TOP1: variants seen among roughly 807,000 people sequenced by gnomAD.
TOP1 encodes the protein DNA topoisomerase I.
In TOP1, 10 loss-of-function variants were observed where a neutral mutation model predicts 111.1. The ratio of observed to expected loss-of-function variants is 0.09; its 90% confidence interval spans 0.06 to 0.15. TOP1 has a LOEUF of 0.15. Among genes scored for constraint, TOP1 ranks in the 10% least tolerant of loss-of-function variants. The pLI is 1.00. For missense variants in TOP1, 474 were observed against 926.7 expected, an observed-to-expected ratio of 0.51 and a Z score of 6.34; for synonymous variants, 271 against 302.9, an observed-to-expected ratio of 0.89 and a Z score of 1.10.
At position 41,064,287 on chromosome 20, in the gene TOP1, C is replaced by A. The variant is rs529604876; in HGVS notation, c.155+2797C>A. ...TTGGTCTATGTGTCTGTTTTTGTACCATTACCATGCTGTTAGTGTTTCTGT... is the reference window on the plus strand; with the variant it reads ...TTGGTCTATGTGTCTGTTTTTGTACAATTACCATGCTGTTAGTGTTTCTGT... On this transcript the variant is annotated intron_variant, in intron 3 of 20. Transcript: ENST00000361337. 4.7e-4 allele frequency among the ~76,000 whole-genome samples: 72 copies of A among 152,114 alleles called. 1 individual carries two copies. Among genetic ancestry groups the A allele is most frequent in the Middle Eastern group, 3.4e-3 (1 of 294 alleles).
At chr20:41,086,881 G>A (rs1210991188) in intron 8 of TOP1, among the ~76,000 whole-genome samples, 1 of 152,180 alleles carries the variant, frequency 6.6e-6, no homozygotes, top group Non-Finnish European at 1.5e-5. Context: ...AGTTTTTGGT[G>A]TTGAAAATAT....
rs6072278 is a variant in TOP1, at chr20:41,123,787, C to T, written c.*490C>T. 2.6e-5 allele frequency: 6 copies of T among 232,620 alleles called. No homozygotes were observed. In the Admixed American group the frequency reaches 2.8e-4, roughly 11 times the overall value. 14.4% of individuals were successfully genotyped at this position (232,620 alleles called of 1,614,324 possible). A position where few individuals can be genotyped will look rare whatever the true frequency, so the allele number is the denominator to read the frequency against. ...AAGTAGAACAAAAAACCCAGCGCAC[C>T]TGTTAGAGTCGTCACTCTCTATTGT... is the stretch of plus-strand genomic sequence containing the variant. On this transcript the variant is annotated 3_prime_UTR_variant, in exon 21 of 21. Coordinates refer to ENST00000361337, the MANE Select transcript of TOP1 (RefSeq NM_003286.4). The surrounding 1 kb of genome is among the most constrained non-coding windows in gnomAD (Gnocchi z 5.8).
At chr20:41,090,658 A>G (rs1002623649) in intron 8 of TOP1, among the ~76,000 whole-genome samples, 4 of 151,580 alleles carry the variant, frequency 2.6e-5, no homozygotes, top group African/African-American at 4.9e-5. Flanking sequence ...GTATGCCCCC[A>G]TGCCTGGATA....
intron 2 of TOP1, among the ~76,000 whole-genome samples, chr20:41,036,173 A>G (rs746111357): frequency 2.0e-5 from 3 of 152,108 alleles, no homozygotes; most frequent in South Asian, 2.1e-4. Context: ...TTTTGATAAC[A>G]TGCTGCCTTG....
In TOP1 at chr20:41,116,898, CACT is replaced by C. The variant is rs2065870897; in HGVS notation, c.1822+507_1822+509del. Among the ~76,000 whole-genome samples the C allele has an allele frequency of 3.3e-5, 5 of 152,036 alleles. No individual in the cohort carries two copies. The highest frequency in any genetic ancestry group is 1.3e-4 in the Admixed American group (2 of 15,256). On this transcript the variant is annotated intron_variant, in intron 17 of 20. Coordinates refer to ENST00000361337, the MANE Select transcript of TOP1 (RefSeq NM_003286.4). The surrounding 1 kb of genome is among the most constrained non-coding windows in gnomAD (Gnocchi z 5.6). ...TGGAGCCCAGTCACTATTGAATTTCCACTGCCCTCTGTAAATACATCAGATGGC... is the reference window on the plus strand; with the variant it reads ...TGGAGCCCAGTCACTATTGAATTTCCGCCCTCTGTAAATACATCAGATGGC...
chr20:41,029,326 G>T lies in TOP1; in HGVS notation c.34-105G>T. ...CCTCTGTGGCCACCCCCGGGTCCCC[G>T]TCCTCCCCGGGGGCGCAGGGTGAGC... On this transcript the variant is annotated intron_variant, in intron 1 of 20. Transcript: ENST00000361337. The surrounding 1 kb of genome is among the most constrained non-coding windows in gnomAD (Gnocchi z 6.1). 9.2e-7 allele frequency: 1 copy of T among 1,087,328 alleles called. No homozygotes were observed. 67.4% of individuals were successfully genotyped at this position (1,087,328 alleles called of 1,614,324 possible).
rs1255373522 is a variant in TOP1, at chr20:41,029,522, G to T, written c.58+67G>T. 1.5e-6 allele frequency: 2 copies of T among 1,320,250 alleles called. No individual in the cohort carries two copies. Among genetic ancestry groups the T allele is most frequent in the African/African-American group, 2.9e-5 (2 of 67,804 alleles). 81.8% of individuals were successfully genotyped at this position (1,320,250 alleles called of 1,614,324 possible). A position where few individuals can be genotyped will look rare whatever the true frequency, so the allele number is the denominator to read the frequency against. On this transcript the variant is annotated intron_variant, in intron 2 of 20. Coordinates refer to ENST00000361337, the MANE Select transcript of TOP1 (RefSeq NM_003286.4). This position sits in a 1 kb window ranked among gnomAD's most constrained non-coding sequence, Gnocchi z 6.1. ...CCGGCCGCCTCCCCCGCGCCCTGCC[G>T]GTGCCGGGCAGAGGACAGACATGGC...
intron 4 of TOP1, 74 bp from the exon 5 acceptor site, chr20:41,077,508 T>C (rs1169615206): frequency 2.5e-6 from 3 of 1,202,586 alleles, no homozygotes; most frequent in Non-Finnish European, 3.7e-6. Context: ...GAACTGATGC[T>C]ACATATTCTC....
intron 2 of TOP1, among the ~76,000 whole-genome samples, chr20:41,042,669 G>T (rs1020866313): frequency 6.6e-6 from 1 of 152,176 alleles, no homozygotes; most frequent in African/African-American, 2.4e-5. Flanking sequence ...CAACACGAGG[G>T]TTAGGGATGC....
intron 8 of TOP1, among the ~76,000 whole-genome samples, chr20:41,089,838 G>T (rs915785734): frequency 3.3e-5 from 5 of 152,170 alleles, no homozygotes; most frequent in African/African-American, 1.2e-4. Flanking sequence ...TTATGAGTAT[G>T]AATGGTATCT....
At chr20:41,052,956 C>T (rs1394947071) in intron 2 of TOP1, among the ~76,000 whole-genome samples, 1 of 152,182 alleles carries the variant, frequency 6.6e-6, no homozygotes, top group East Asian at 1.9e-4. Context: ...CACCACTGCA[C>T]TCCAGCCTGG....
In TOP1 at chr20:41,084,464, T is replaced by C. The variant is rs1158534734; in HGVS notation, c.510T>C (p.Asp170=). The C allele has an allele frequency of 6.5e-7, 1 of 1,536,374 alleles. No individual in the cohort carries two copies. The highest frequency in any genetic ancestry group is 8.8e-7 in the Non-Finnish European group (1 of 1,131,670). Residue 170 remains aspartate (D), a splice_region_variant and synonymous_variant, in exon 8 of 21, where the codon GAT becomes GAC. Transcript: ENST00000361337. ...EKKRKLEEEE[D]GKLKKPKNKD... is the part of the protein sequence containing the mutation. ...TTTCTCACCATGTTTCTTTGTAGGA[T>C]GGTAAATTGAAAAAACCCAAGAATA...
chr20:41,084,066 G>A (rs966299300), intron 7 of TOP1, among the ~76,000 whole-genome samples: 1 of 152,056 alleles, frequency 6.6e-6, no homozygotes, highest in African/African-American at 2.4e-5. Context: ...CTAATGCAAA[G>A]CCCCGTCTAG....
At chr20:41,119,983 C>G (rs895155638) in intron 18 of TOP1, among the ~76,000 whole-genome samples, 1 of 152,230 alleles carries the variant, frequency 6.6e-6, no homozygotes, top group Non-Finnish European at 1.5e-5. Flanking sequence ...TTGTTGCTCT[C>G]GCTCTGGAAC....
At chr20:41,035,153 A>G (rs1483446180) in intron 2 of TOP1, among the ~76,000 whole-genome samples, 1 of 152,146 alleles carries the variant, frequency 6.6e-6, no homozygotes, top group Non-Finnish European at 1.5e-5. Context: ...CAGCCTCTCA[A>G]AGTGCTGGGC....
chr20:41,055,128 C>T (rs992542383), intron 2 of TOP1, among the ~76,000 whole-genome samples: 2 of 152,154 alleles, frequency 1.3e-5, no homozygotes, highest in Admixed American at 1.3e-4. Context: ...AGGGGGCTTC[C>T]TCCCATGTCT....
At position 41,113,939 on chromosome 20, in the gene TOP1, CA is replaced by C. The variant is rs1226733702; in HGVS notation, c.1453-30del. 6 of 1,510,408 alleles carry C rather than the reference CA, an allele frequency of 4.0e-6. No individual in the cohort carries two copies. In the South Asian group the frequency reaches 6.8e-5, roughly 17 times the overall value. The allele number at this position is 1,510,408 out of a possible 1,614,324, so 93.6% of individuals were successfully genotyped here. On this transcript the variant is annotated intron_variant, in intron 14 of 20. Transcript: ENST00000361337. ...GTGTAAGGATCATGTCTCTTCCATT[CA>C]TGCTCATCTTTTCTTTCTTTCCTGG...
chr20:41,086,699 T>G (rs1330023998), intron 8 of TOP1, among the ~76,000 whole-genome samples: 3 of 152,198 alleles, frequency 2.0e-5, no homozygotes, highest in Non-Finnish European at 2.9e-5. Context: ...AGACCATGAC[T>G]TTTGGTTTTT....
Position 41,098,992 on chromosome 20 carries a change from C to G in TOP1, c.975+655C>G, listed in dbSNP as rs899381077. Among the ~76,000 whole-genome samples, 3 of 152,110 alleles carry G rather than the reference C, an allele frequency of 2.0e-5. No individual in the cohort carries two copies. The highest frequency in any genetic ancestry group is 7.2e-5 in the African/African-American group (3 of 41,408). On this transcript the variant is annotated intron_variant, in intron 11 of 20. Transcript: ENST00000361337. This position sits in a 1 kb window ranked among gnomAD's most constrained non-coding sequence, Gnocchi z 5.7. ...CACTCAAGCCTAAAATATTTTCTATCTAGAAAAAGTTGTCAGCCCCTGAAC... is the reference window on the plus strand; with the variant it reads ...CACTCAAGCCTAAAATATTTTCTATGTAGAAAAAGTTGTCAGCCCCTGAAC...
Sources: allele counts gnomAD v4.1 joint callset (sites outside exome capture counted in the v4.1 genomes callset), GRCh38; gene constraint gnomAD v4.1.1; non-coding constraint Gnocchi (gnomAD v3.1); transcripts MANE v1.5; gene names NCBI Gene and HGNC (gene_info 2026-07-23, HGNC 2026-07-21).